PDCD2L: variants seen among roughly 807,000 people sequenced by gnomAD.
PDCD2L encodes the protein programmed cell death 2 like.
In PDCD2L, 44 loss-of-function variants were observed where a neutral mutation model predicts 40.4. The observed-to-expected ratio is 1.09, with a 90% CI of 0.86 to 1.40. The LOEUF (loss-of-function observed/expected upper bound fraction) is 1.40, where lower values mean the gene tolerates loss of function less well. Ranked by LOEUF, PDCD2L falls within the 40% of genes most tolerant of loss-of-function variation. PDCD2L has a pLI of 0.00. For missense variants in PDCD2L, 470 were observed against 453.7 expected, an observed-to-expected ratio of 1.04 and a Z score of -0.33; for synonymous variants, 194 against 174.6, an observed-to-expected ratio of 1.11 and a Z score of -0.88.
rs1482856386 is a variant in PDCD2L at position 34,421,629 on chromosome 19, T to G, written c.908T>G (p.Met303Arg). The change falls in exon 6 of 7, where the codon ATG (methionine) becomes AGG (arginine). Residue 303 changes from methionine to arginine, a missense_variant. Transcript: ENST00000246535. ...GGQRIFEFQL[M>R]PALVSMLKSA... ...CAAAGGATATTTGAGTTTCAGCTTA[T>G]GCCAGCACTGGTCAGCATGCTCAAG... is the stretch of plus-strand genomic sequence containing the variant. 6.2e-7 allele frequency: 1 copy of G among 1,614,076 alleles called. No homozygotes were observed. Among genetic ancestry groups the G allele is most frequent in the African/African-American group, 1.3e-5 (1 of 74,928 alleles).
chr19:34,423,829 C>T (rs2075164148), intron 6 of PDCD2L, among the ~76,000 whole-genome samples: 1 of 152,132 alleles, frequency 6.6e-6, no homozygotes, highest in Non-Finnish European at 1.5e-5. Context: ...AGCCTTAGTT[C>T]TATGTGTAAA....
Position 34,409,509 on chromosome 19 carries a change from A to G in PDCD2L, c.685A>G (p.Ser229Gly), listed in dbSNP as rs1424140232. Residue 229 changes from serine to glycine, a missense_variant and splice_region_variant, in exon 4 of 7, where the codon AGC becomes GGC. Physicochemically the swap from Ser to Gly is moderately conservative, Grantham distance 56 (BLOSUM62 0). Coordinates refer to ENST00000246535, the MANE Select transcript of PDCD2L (RefSeq NM_032346.2). The part of the protein sequence containing the change: ...GIAMDQLLSQ[S>G]LPNDGDEKYE... ...TGCCATGGATCAGTTGCTTTCCCAAAGGTGAGGATGTGTGCTGCTGAGGTT... is the reference window on the plus strand; with the variant it reads ...TGCCATGGATCAGTTGCTTTCCCAAGGGTGAGGATGTGTGCTGCTGAGGTT... The G allele has an allele frequency of 6.2e-7, 1 of 1,612,678 alleles. No homozygotes were observed. The highest frequency in any genetic ancestry group is 1.3e-5 in the African/African-American group (1 of 74,922).
intron 6 of PDCD2L, 144 bp downstream of exon 6, chr19:34,421,811 C>T: frequency 9.1e-7 from 1 of 1,102,174 alleles, no homozygotes; most frequent in Non-Finnish European, 1.2e-6. Flanking sequence ...AAATTTAGGC[C>T]AGGTGTGGTG....
intron 4 of PDCD2L, among the ~76,000 whole-genome samples, chr19:34,412,027 A>C (rs113045052): frequency 4.7e-5 from 7 of 147,850 alleles, no homozygotes; most frequent in Non-Finnish European, 8.9e-5. Context: ...ATATATGAAA[A>C]TATATATATT....
chr19:34,416,269 GGA>G (rs2075126173), intron 5 of PDCD2L, among the ~76,000 whole-genome samples: 1 of 152,134 alleles, frequency 6.6e-6, no homozygotes, highest in African/African-American at 2.4e-5. Flanking sequence ...GCACACAGGA[GGA>G]GAGTTTGCAT....
At chr19:34,425,099 A>G (rs2075170831) in intron 6 of PDCD2L, among the ~76,000 whole-genome samples, 1 of 151,918 alleles carries the variant, frequency 6.6e-6, no homozygotes, top group Middle Eastern at 3.2e-3. Context: ...GCTGCAAATC[A>G]TTGCCTACGT....
chr19:34,404,935 AG>A lies in PDCD2L; in HGVS notation c.283del (p.Val95CysfsTer62), dbSNP rs1332346060. The A allele has an allele frequency of 1.9e-6, 3 of 1,613,978 alleles. No homozygotes were observed. The African/African-American group carries it at 4.0e-5, about 22-fold the overall frequency. ...GCSTGGARSW[K>X]VFRSQCLQVP... ...CCTTTGTCTTCACCCCGAAGCTGGA[AG>A]GTGTTCCGCTCCCAGTGCCTGCAGG... is the stretch of plus-strand genomic sequence containing the variant. On this transcript the variant is annotated frameshift_variant, in exon 3 of 7. Coordinates refer to ENST00000246535, the MANE Select transcript of PDCD2L (RefSeq NM_032346.2). LOFTEE classifies it high-confidence loss of function.
At chr19:34,419,694 C>T (rs1191345600) in intron 5 of PDCD2L, among the ~76,000 whole-genome samples, 1 of 149,128 alleles carries the variant, frequency 6.7e-6, no homozygotes, top group Non-Finnish European at 1.5e-5. Context: ...TTTATTTAAC[C>T]TGCTTGTCAG....
rs61740326 is a variant in PDCD2L at position 34,409,305 on chromosome 19, C to T, written c.481C>T (p.Arg161Trp). 2.1e-4 allele frequency: 331 copies of T among 1,614,082 alleles called. No homozygotes were observed. In the Middle Eastern group the frequency reaches 4.5e-3, roughly 22 times the overall value. Residue 161 changes from arginine to tryptophan, a missense_variant, in exon 4 of 7, where the codon CGG (arginine) becomes TGG (tryptophan). Transcript: ENST00000246535. ...TGCCAAAGACGTAGACTGGACTGCT[C>T]GGCTCCAAGACCTCCGCCTGCAGGA... is the stretch of plus-strand genomic sequence containing the variant. The part of the protein sequence containing the change: ...SSAKDVDWTA[R>W]LQDLRLQDAV...
At chr19:34,425,775 T>C (rs576684319) in intron 6 of PDCD2L, among the ~76,000 whole-genome samples, 3 of 152,370 alleles carry the variant, frequency 2.0e-5, no homozygotes, top group African/African-American at 7.2e-5. Flanking sequence ...ATTTTTAAAG[T>C]ATATTTTCCT....
intron 4 of PDCD2L, among the ~76,000 whole-genome samples, chr19:34,410,703 A>T (rs2075098099): frequency 6.6e-6 from 1 of 152,006 alleles, no homozygotes; most frequent in Non-Finnish European, 1.5e-5. Context: ...ATGCATGAAG[A>T]CATGTTGGTG....
intron 5 of PDCD2L, 103 bp downstream of exon 5, chr19:34,413,950 A>G (rs2075115833): frequency 1.4e-6 from 1 of 708,674 alleles, no homozygotes. Flanking sequence ...AACCTACAGT[A>G]TTCCCCAAAC....
chr19:34,412,982 C>T lies in PDCD2L; in HGVS notation c.687-755C>T, dbSNP rs574264623. ...TTTGAACTCCTGAGCTCAAGTGATC[C>T]GCCTGCCTCGGCCTCCCAAAGTGCT... is the stretch of plus-strand genomic sequence containing the variant. On this transcript the variant is annotated intron_variant, in intron 4 of 6. Transcript: ENST00000246535. 7.2e-5 allele frequency among the ~76,000 whole-genome samples: 11 copies of T among 152,046 alleles called. 1 individual carries two copies. The highest frequency in any genetic ancestry group is 5.8e-4 in the East Asian group (3 of 5,146).
At chr19:34,423,740 C>T (rs145813956) in intron 6 of PDCD2L, among the ~76,000 whole-genome samples, 57 of 151,930 alleles carry the variant, frequency 3.8e-4, no homozygotes, top group Non-Finnish European at 1.0e-4. Flanking sequence ...CCGTCCACCT[C>T]GACCTCCCAA....
intron 5 of PDCD2L, among the ~76,000 whole-genome samples, chr19:34,419,480 T>C (rs543788972): frequency 7.1e-6 from 1 of 141,744 alleles, no homozygotes; most frequent in South Asian, 2.3e-4. Context: ...TATTCTGTTA[T>C]TGTTTTTTCC....
At chr19:34,408,724 A>G (rs1223867280) in intron 3 of PDCD2L, among the ~76,000 whole-genome samples, 1 of 152,150 alleles carries the variant, frequency 6.6e-6, no homozygotes, top group Non-Finnish European at 1.5e-5. Context: ...TGTCTACACA[A>G]TGGCTACCTT....
In PDCD2L at chr19:34,412,395, C is replaced by T. The variant is rs745331027; in HGVS notation, c.687-1342C>T. Among the ~76,000 whole-genome samples the T allele has an allele frequency of 1.6e-4, 24 of 152,104 alleles. 1 individual carries two copies. The highest frequency in any genetic ancestry group is 2.8e-4 in the Non-Finnish European group (19 of 68,042). On this transcript the variant is annotated intron_variant, in intron 4 of 6. Coordinates refer to ENST00000246535, the MANE Select transcript of PDCD2L (RefSeq NM_032346.2). ...GGTTGGGCAGGGAACTGCAGAGCTA[C>T]ATGTACACAATTTAAATATCAAAAA...
At chr19:34,423,564 G>A (rs140211195) in intron 6 of PDCD2L, among the ~76,000 whole-genome samples, 90 of 136,372 alleles carry the variant, frequency 6.6e-4, no homozygotes, top group African/African-American at 1.9e-3. Flanking sequence ...GCACTATCTC[G>A]GCTCATTGCA....
At position 34,404,403 on chromosome 19, in the gene PDCD2L, T is replaced by G. The variant is rs988324497; in HGVS notation, c.-28T>G. ...CGTGCGCAGAGAGGCCGCCGTAGTT[T>G]GCGTTTTCACCTGGTCGCCCGGCGG... On this transcript the variant is annotated 5_prime_UTR_variant, in exon 1 of 7. Coordinates refer to ENST00000246535, the MANE Select transcript of PDCD2L (RefSeq NM_032346.2). 24 of 1,530,992 alleles carry G rather than the reference T, an allele frequency of 1.6e-5. No homozygotes were observed. In the South Asian group the frequency reaches 2.9e-4, roughly 18 times the overall value. 94.8% of individuals were successfully genotyped at this position (1,530,992 alleles called of 1,614,324 possible).
Sources: allele counts gnomAD v4.1 joint callset (sites outside exome capture counted in the v4.1 genomes callset), GRCh38; gene constraint gnomAD v4.1.1; transcripts MANE v1.5; gene names NCBI Gene and HGNC (gene_info 2026-07-23, HGNC 2026-07-21).